The following HCLS1 variants were observed in gnomAD, a reference collection of about 807,000 sequenced individuals.
The protein encoded by HCLS1 is hematopoietic lineage cell-specific protein.
Under a neutral mutation model 68.6 loss-of-function variants are expected in HCLS1, and 44 were observed. The ratio of observed to expected loss-of-function variants is 0.64; its 90% CI spans 0.50 to 0.82. The LOEUF is 0.82. Among genes scored for constraint, HCLS1 ranks in the 40% least tolerant of loss-of-function variants. The pLI is 0.00. For missense variants in HCLS1, 602 were observed against 612.1 expected, an observed-to-expected ratio of 0.98 and a Z score of 0.17; for synonymous variants, 217 against 225.8, an observed-to-expected ratio of 0.96 and a Z score of 0.35.
At chr3:121,660,184 C>T (rs1012268672) in intron 1 of HCLS1, among the ~76,000 whole-genome samples, 2 of 152,098 alleles carry the variant, frequency 1.3e-5, no homozygotes, top group African/African-American at 4.8e-5. Flanking sequence ...TCAGACCAGG[C>T]GATTAAGAAA....
intron 8 of HCLS1, among the ~76,000 whole-genome samples, 154 bp from the exon 9 acceptor site, chr3:121,635,958 TAG>T (rs923564841): frequency 6.6e-6 from 1 of 152,096 alleles, no homozygotes; most frequent in African/African-American, 2.4e-5. Context: ...TGTTTTGTGG[TAG>T]AGAGGGGGTA....
At chr3:121,636,289 G>T in intron 8 of HCLS1, 145 bp downstream of exon 8, 2 of 677,968 alleles carry the variant, frequency 2.9e-6, no homozygotes, top group Admixed American at 2.5e-5. Context: ...GGCAGTCAGT[G>T]GGGACTGCAG....
chr3:121,651,246 T>C (rs747289675), intron 3 of HCLS1, among the ~76,000 whole-genome samples: 6 of 152,214 alleles, frequency 3.9e-5, no homozygotes, highest in Admixed American at 1.3e-4. Flanking sequence ...TAAAGAACTT[T>C]CAGCAACTTA....
At chr3:121,644,602 T>C in intron 5 of HCLS1, 1 of 671,638 alleles carries the variant, frequency 1.5e-6, no homozygotes, top group Non-Finnish European at 2.7e-6. Context: ...GAGAGTCTTC[T>C]CCTATTTGAA....
chr3:121,642,305 A>AC (rs1668474520), intron 6 of HCLS1, among the ~76,000 whole-genome samples: 1 of 137,302 alleles, frequency 7.3e-6, no homozygotes, highest in Non-Finnish European at 1.5e-5. Context: ...TAAAAATACA[A>AC]AAAAAAAAAA....
At chr3:121,650,965 G>A (rs190814060) in intron 3 of HCLS1, among the ~76,000 whole-genome samples, 171 of 152,160 alleles carry the variant, frequency 1.1e-3, no homozygotes, top group African/African-American at 3.5e-3. Flanking sequence ...GTGAAACCCC[G>A]TCTCTACCAA....
intron 1 of HCLS1, among the ~76,000 whole-genome samples, chr3:121,660,577 C>T (rs950490345): frequency 1.3e-5 from 2 of 152,186 alleles, no homozygotes; most frequent in Non-Finnish European, 2.9e-5. Context: ...CCAGGCAACA[C>T]TTTGCTTGAT....
At chr3:121,637,809 G>A (rs56314138) in intron 6 of HCLS1, among the ~76,000 whole-genome samples, 33,470 of 151,868 alleles carry the variant, frequency 0.22, 4,242 homozygotes, top group Non-Finnish European at 0.29. Context: ...GGTGATGTGC[G>A]TCTGTAGCCC....
At chr3:121,654,719 G>A (rs913039429) in intron 3 of HCLS1, among the ~76,000 whole-genome samples, 10 of 152,282 alleles carry the variant, frequency 6.6e-5, no homozygotes, top group East Asian at 1.9e-4. Context: ...GCTTTTAGTC[G>A]TCTCAGCTCT....
At chr3:121,634,892 A>G (rs112043027) in intron 9 of HCLS1, among the ~76,000 whole-genome samples, 2,830 of 152,240 alleles carry the variant, frequency 0.019, 90 homozygotes, top group African/African-American at 0.064. Flanking sequence ...TCAGCATCCC[A>G]AAGTGCTGGG....
chr3:121,644,134 C>G (rs1037046975), intron 5 of HCLS1: 7 of 155,604 alleles, frequency 4.5e-5, no homozygotes, highest in African/African-American at 1.7e-4. Flanking sequence ...TGTCCTCTCT[C>G]TGTGTGCAGC....
At chr3:121,646,358 A>G (rs1460092904) in intron 4 of HCLS1, among the ~76,000 whole-genome samples, 1 of 59,528 alleles carries the variant, frequency 1.7e-5, no homozygotes, top group Non-Finnish European at 3.0e-5. Context: ...AATATATTAC[A>G]TTATATTACA....
chr3:121,638,960 G>A (rs900718852), intron 6 of HCLS1, among the ~76,000 whole-genome samples: 3 of 151,874 alleles, frequency 2.0e-5, no homozygotes, highest in African/African-American at 7.3e-5. Context: ...GCAGGAGGGT[G>A]ACTTGAGCCC....
intron 4 of HCLS1, among the ~76,000 whole-genome samples, chr3:121,646,825 A>G (rs1222434275): frequency 7.1e-6 from 1 of 140,964 alleles, no homozygotes; most frequent in Non-Finnish European, 1.5e-5. Context: ...CAATTATTAT[A>G]GAGCCAATTA....
chr3:121,650,627 A>G (rs528908033), intron 3 of HCLS1, among the ~76,000 whole-genome samples: 1 of 152,348 alleles, frequency 6.6e-6, no homozygotes, highest in South Asian at 2.1e-4. Context: ...TTGACCTCAC[A>G]CTGCACAGAA....
At chr3:121,658,200 T>G (rs1937915726) in intron 2 of HCLS1, 64 bp downstream of exon 2, 1 of 1,171,394 alleles carries the variant, frequency 8.5e-7, no homozygotes, top group Admixed American at 1.7e-5. Flanking sequence ...GATCACAGAG[T>G]GGCCCAGATG....
intron 9 of HCLS1, 81 bp from the exon 10 acceptor site, chr3:121,634,499 A>C: frequency 7.9e-7 from 1 of 1,271,584 alleles, no homozygotes; most frequent in Non-Finnish European, 1.1e-6. Flanking sequence ...GAAGAAGGGG[A>C]ATCAGTTAAA....
intron 3 of HCLS1, chr3:121,655,939 C>T (rs1275455365): frequency 6.6e-6 from 1 of 151,732 alleles, no homozygotes; most frequent in Non-Finnish European, 1.5e-5. Flanking sequence ...ACCTGTGCCT[C>T]CTGGGTTCAA....
intron 3 of HCLS1, among the ~76,000 whole-genome samples, chr3:121,653,009 A>G (rs1937784322): frequency 6.6e-6 from 1 of 152,188 alleles, no homozygotes; most frequent in Non-Finnish European, 1.5e-5. Context: ...AACGCTTGGG[A>G]CCAGAAGTGT....
Sources: gnomAD v4.1 joint callset for allele counts (sites outside exome capture counted in the v4.1 genomes callset) on GRCh38, gnomAD v4.1.1 for gene constraint, MANE v1.5 for transcripts, NCBI Gene and HGNC (gene_info 2026-07-23, HGNC 2026-07-21) for gene names.